PKHD1L1: variants seen among roughly 807,000 people sequenced by gnomAD.
The protein encoded by PKHD1L1 is PKHD1 like 1.
Under a neutral mutation model 462.9 loss-of-function variants are expected in PKHD1L1, and 434 were observed. That is an observed-to-expected ratio of 0.94 (90% CI 0.87 to 1.02). The LOEUF (loss-of-function observed/expected upper bound fraction) is 1.02. Among genes scored for constraint, PKHD1L1 ranks in the 50% least tolerant of loss-of-function variants. PKHD1L1 has a pLI of 0.00. For missense variants in PKHD1L1, 5,202 were observed against 5,096.1 expected, an observed-to-expected ratio of 1.02 and a Z score of -0.63; for synonymous variants, 1,781 against 1,750.0, an observed-to-expected ratio of 1.02 and a Z score of -0.44.
chr8:109,468,522 T>C (rs1385490878), intron 50 of PKHD1L1, among the ~76,000 whole-genome samples: 1 of 152,222 alleles, frequency 6.6e-6, no homozygotes, highest in African/African-American at 2.4e-5. Context: ...TTGAATTAAA[T>C]GGAATTAGTT....
rs764884192 is a variant in PKHD1L1, at chr8:109,510,862, T to C, written c.11481T>C (p.Ser3827=). 2.0e-5 allele frequency: 33 copies of C among 1,613,258 alleles called. 1 individual carries two copies. The South Asian group carries it at 3.3e-4, about 16-fold the overall frequency. ...LFHSIVALNK[S]YEVYFTGTSP... The stretch of plus-strand genomic sequence containing the variant: ...ACAGCATTGTGGCTCTGAACAAATC[T>C]TATGAAGTTTACTTCACTGGCACCA... The change falls in exon 71 of 78, where the codon TCT becomes TCC. Residue 3827 remains serine (S), a synonymous_variant. Transcript: ENST00000378402.
rs1227469992 is a variant in PKHD1L1, at chr8:109,442,122, T to A, written c.4320T>A (p.Phe1440Leu). The A allele has an allele frequency of 6.2e-7, 1 of 1,613,380 alleles. No homozygotes were observed. Among genetic ancestry groups the A allele is most frequent in the Non-Finnish European group, 8.5e-7 (1 of 1,179,584 alleles). ...PFLRGIGYRI[F>L]SVSSPGSVIY... ...TTAGAGGGATAGGATATAGGATTTT[T>A]TCTGTCTCCAGTCCTGGAAGTGTAA... The change falls in exon 35 of 78, where the codon TTT (phenylalanine) becomes TTA (leucine). Residue 1440 changes from phenylalanine to leucine, a missense_variant. Phe to Leu is a conservative substitution (Grantham distance 22). This residue lies in a region of PKHD1L1 where 4,497 missense variants were observed against 4,336.8 expected (regional missense o/e 1.04). Transcript: ENST00000378402.
chr8:109,380,100 A>G (rs1812034961), intron 2 of PKHD1L1, among the ~76,000 whole-genome samples: 1 of 152,184 alleles, frequency 6.6e-6, no homozygotes, highest in South Asian at 2.1e-4. Flanking sequence ...GGCTGATAGC[A>G]AGGGGGCATG....
intron 40 of PKHD1L1, among the ~76,000 whole-genome samples, chr8:109,450,638 C>T (rs1434069578): frequency 6.6e-6 from 1 of 152,244 alleles, no homozygotes; most frequent in Middle Eastern, 3.4e-3. Flanking sequence ...GTCAGTGTGC[C>T]TGCCTTTAAG....
At position 109,466,775 on chromosome 8, in the gene PKHD1L1, T is replaced by C. The variant is rs766411510; in HGVS notation, c.8605+6T>C. ...GGTTCTTTCAGACTCTTTTGGTAAG[T>C]GGAATATATTAGTTTAAACAACTAA... On this transcript the variant is annotated splice_donor_region_variant and intron_variant, in intron 50 of 77. Transcript: ENST00000378402. 6.2e-7 allele frequency: 1 copy of C among 1,600,788 alleles called. No homozygotes were observed. Among genetic ancestry groups the C allele is most frequent in the Non-Finnish European group, 8.5e-7 (1 of 1,174,502 alleles).
chr8:109,394,773 G>T (rs1384568827), intron 10 of PKHD1L1, among the ~76,000 whole-genome samples: 1 of 152,104 alleles, frequency 6.6e-6, no homozygotes, highest in Non-Finnish European at 1.5e-5. Context: ...ATTGGTAGAG[G>T]GAGGGAAAAA....
At chr8:109,380,652 G>T (rs1013348781) in intron 2 of PKHD1L1, among the ~76,000 whole-genome samples, 2 of 152,122 alleles carry the variant, frequency 1.3e-5, no homozygotes, top group African/African-American at 4.8e-5. Context: ...TTGATTTTTT[G>T]ATTTGGAAAG....
chr8:109,401,797 C>T (rs1177085422), intron 14 of PKHD1L1, among the ~76,000 whole-genome samples: 1 of 152,090 alleles, frequency 6.6e-6, no homozygotes, highest in Non-Finnish European at 1.5e-5. Context: ...AATTTGAAGT[C>T]TAGATTAACC....
intron 33 of PKHD1L1, 123 bp downstream of exon 33, chr8:109,440,975 A>C: frequency 8.2e-7 from 1 of 1,225,212 alleles, no homozygotes; most frequent in Non-Finnish European, 1.1e-6. Flanking sequence ...AGCATAAAAA[A>C]GGTAAGTGTA....
In PKHD1L1 at chr8:109,439,132, C is replaced by T. The variant is rs560287508; in HGVS notation, c.3956+40C>T. ...ATAAACTTGATGGAGTTGTAGAACA[C>T]ATGGGGCTAGTGGAATTGGGATAGG... is the stretch of plus-strand genomic sequence containing the variant. On this transcript the variant is annotated intron_variant, in intron 32 of 77. Coordinates refer to ENST00000378402, the MANE Select transcript of PKHD1L1 (RefSeq NM_177531.6). The T allele has an allele frequency of 2.6e-6, 4 of 1,553,062 alleles. No individual in the cohort carries two copies. The East Asian group carries it at 9.0e-5, about 35-fold the overall frequency.
chr8:109,523,209 T>G, intron 75 of PKHD1L1, 24 bp from the exon 76 acceptor site: 1 of 1,536,064 alleles, frequency 6.5e-7, no homozygotes, highest in Non-Finnish European at 8.8e-7. Flanking sequence ...TTGTTATAAT[T>G]ATCTACTTTT....
chr8:109,415,663 G>T (rs1814112595), intron 21 of PKHD1L1, among the ~76,000 whole-genome samples: 1 of 151,772 alleles, frequency 6.6e-6, no homozygotes, highest in African/African-American at 2.4e-5. Context: ...GAGGGGGCTG[G>T]GCAACATGGC....
chr8:109,487,732 T>C (rs1298869897), intron 59 of PKHD1L1, among the ~76,000 whole-genome samples: 2 of 151,634 alleles, frequency 1.3e-5, no homozygotes, highest in Non-Finnish European at 2.9e-5. Context: ...TCAAGAATTA[T>C]GCCAGACAGG....
chr8:109,475,984 C>T (rs1406239115), intron 51 of PKHD1L1, among the ~76,000 whole-genome samples: 1 of 151,950 alleles, frequency 6.6e-6, no homozygotes, highest in African/African-American at 2.4e-5. Flanking sequence ...TCATGTTATT[C>T]CCCATTCTCC....
At chr8:109,439,296 T>C (rs1815635823) in intron 32 of PKHD1L1, among the ~76,000 whole-genome samples, 1 of 152,140 alleles carries the variant, frequency 6.6e-6, no homozygotes, top group Non-Finnish European at 1.5e-5. Flanking sequence ...TCAGATCAGG[T>C]TGTAAAATTC....
intron 1 of PKHD1L1, 133 bp from the exon 2 acceptor site, chr8:109,364,414 G>A: frequency 1.4e-6 from 1 of 696,134 alleles, no homozygotes; most frequent in Non-Finnish European, 2.4e-6. Flanking sequence ...ATAAAACCTG[G>A]GTGAATTTTA....
chr8:109,364,605 T>A lies in PKHD1L1; in HGVS notation c.132T>A (p.Asn44Lys). 1 of 1,596,430 alleles carries A rather than the reference T, an allele frequency of 6.3e-7. No individual in the cohort carries two copies. Among genetic ancestry groups the A allele is most frequent in the Non-Finnish European group, 8.6e-7 (1 of 1,168,806 alleles). Residue 44 changes from asparagine to lysine, a missense_variant, in exon 2 of 78, where the codon AAT (asparagine) becomes AAA (lysine). Asn to Lys is a moderately conservative substitution (Grantham distance 94). Around this residue, in one of 3 missense-constraint regions of PKHD1L1, gnomAD observed 4,497 missense variants for 4,336.8 expected, o/e 1.04. Transcript: ENST00000378402. ...TAATACCTAAATATGGCAGTATAAA[T>A]GGAGCAACAAGGCTGACTATAAGAG... ...TEIIPKYGSI[N>K]GATRLTIRGE...
intron 12 of PKHD1L1, among the ~76,000 whole-genome samples, chr8:109,399,227 G>T (rs961232520): frequency 6.6e-6 from 1 of 152,076 alleles, no homozygotes; most frequent in Non-Finnish European, 1.5e-5. Flanking sequence ...AAATAATTTT[G>T]ATAATTTATA....
chr8:109,484,091 A>G (rs911170589), intron 57 of PKHD1L1, among the ~76,000 whole-genome samples: 2 of 151,860 alleles, frequency 1.3e-5, no homozygotes, highest in Non-Finnish European at 2.9e-5. Context: ...AAATCAATGC[A>G]AATCATCAAA....
Sources: allele counts gnomAD v4.1 joint callset (sites outside exome capture counted in the v4.1 genomes callset), GRCh38; gene constraint gnomAD v4.1.1; regional missense constraint gnomAD v4.1.1; transcripts MANE v1.5; gene names NCBI Gene and HGNC (gene_info 2026-07-23, HGNC 2026-07-21).